The following PEF1 variants were observed in gnomAD, a reference collection of about 807,000 sequenced individuals.
PEF1 encodes penta-EF-hand domain containing 1.
PEF1 carries 17 observed loss-of-function variants against 32.0 expected under a neutral mutation model. The observed-to-expected ratio is 0.53, with a 90% CI of 0.36 to 0.80. The LOEUF (loss-of-function observed/expected upper bound fraction) is 0.80, where lower values mean the gene tolerates loss of function less well. Ranked by LOEUF, PEF1 falls within the 30% of genes least tolerant of loss-of-function variation. PEF1 has a pLI of 0.00. For missense variants in PEF1, 362 were observed against 369.1 expected (o/e 0.98, Z 0.16); for synonymous variants, 130 against 139.8 (o/e 0.93, Z 0.50).
intron 2 of PEF1, among the ~76,000 whole-genome samples, chr1:31,633,979 C>G (rs1640188749): frequency 6.6e-6 from 1 of 151,158 alleles, no homozygotes; most frequent in Non-Finnish European, 1.5e-5. Context: ...CAAAAAAACC[C>G]AAAAAAAACA....
intron 1 of PEF1, chr1:31,644,472 G>T: frequency 8.3e-7 from 1 of 1,201,882 alleles, no homozygotes. Context: ...CGCCCCAAAT[G>T]AGATCGGCGG....
At position 31,635,538 on chromosome 1, in the gene PEF1, G is replaced by A. The variant is rs1199480139; in HGVS notation, c.25-16C>T. The A allele has an allele frequency of 6.6e-7, 1 of 1,506,628 alleles. No homozygotes were observed. The highest frequency in any genetic ancestry group is 2.3e-5 in the East Asian group (1 of 43,552). The allele number at this position is 1,506,628 out of a possible 1,614,324, so 93.3% of individuals were successfully genotyped here. On this transcript the variant is annotated splice_polypyrimidine_tract_variant and intron_variant, in intron 1 of 4. Coordinates refer to ENST00000373703, the MANE Select transcript of PEF1 (RefSeq NM_012392.4). ...CTGGGCAGCCCTGCAGGAAGAGCAAGATATCAGTCAGAATGATGAGGCCAG... is the reference window on the plus strand; with the variant it reads ...CTGGGCAGCCCTGCAGGAAGAGCAAAATATCAGTCAGAATGATGAGGCCAG...
At chr1:31,632,744 G>T in intron 3 of PEF1, 106 bp from the exon 4 acceptor site, 1 of 1,352,416 alleles carries the variant, frequency 7.4e-7, no homozygotes, top group Admixed American at 2.3e-5. Context: ...TGGAGTAGGC[G>T]ACTTCACAGA....
chr1:31,643,868 AT>A (rs1640472885), intron 1 of PEF1, among the ~76,000 whole-genome samples: 1 of 152,144 alleles, frequency 6.6e-6, no homozygotes, highest in African/African-American at 2.4e-5. Context: ...TGAGGGCTCT[AT>A]TTTGAGGACC....
rs1640233425 is a variant in PEF1, at chr1:31,635,535, C to A, written c.25-13G>T. ...CTCCTGGGCAGCCCTGCAGGAAGAG[C>A]AAGATATCAGTCAGAATGATGAGGC... On this transcript the variant is annotated splice_polypyrimidine_tract_variant and intron_variant, in intron 1 of 4. Coordinates refer to ENST00000373703, the MANE Select transcript of PEF1 (RefSeq NM_012392.4). The A allele has an allele frequency of 6.6e-7, 1 of 1,507,262 alleles. No homozygotes were observed. 93.4% of individuals were successfully genotyped at this position (1,507,262 alleles called of 1,614,324 possible). A position where few individuals can be genotyped will look rare whatever the true frequency, so the allele number is the denominator to read the frequency against.
At chr1:31,637,358 C>G (rs1339156274) in intron 1 of PEF1, among the ~76,000 whole-genome samples, 1 of 152,186 alleles carries the variant, frequency 6.6e-6, no homozygotes, top group Non-Finnish European at 1.5e-5. Context: ...AGAACAATTC[C>G]TTCCTCACTG....
At chr1:31,642,049 T>C (rs867949406) in intron 1 of PEF1, among the ~76,000 whole-genome samples, 1 of 152,060 alleles carries the variant, frequency 6.6e-6, no homozygotes. Flanking sequence ...CTGGCCAACA[T>C]GGCGAAACCC....
intron 3 of PEF1, 152 bp downstream of exon 3, chr1:31,633,007 G>C: frequency 1.1e-6 from 1 of 904,168 alleles, no homozygotes; most frequent in South Asian, 1.8e-5. Flanking sequence ...TCTCAGTCTA[G>C]GGGATCTCAC....
chr1:31,633,094 C>A, intron 3 of PEF1, 65 bp downstream of exon 3: 1 of 1,536,440 alleles, frequency 6.5e-7, no homozygotes, highest in Non-Finnish European at 8.8e-7. Flanking sequence ...CCCACCTACC[C>A]ACCTACTGTC....
intron 2 of PEF1, among the ~76,000 whole-genome samples, chr1:31,634,514 TCA>T (rs1239278436): frequency 1.3e-5 from 2 of 152,178 alleles, no homozygotes; most frequent in Non-Finnish European, 2.9e-5. Flanking sequence ...TGAGATATTT[TCA>T]CAGAGAAACG....
rs902625147 is a variant in PEF1, at chr1:31,644,622, G to A, written c.24+219C>T. The A allele has an allele frequency of 7.8e-5, 113 of 1,445,094 alleles. No homozygotes were observed. In the South Asian group the frequency reaches 1.1e-3, roughly 14 times the overall value. The allele number at this position is 1,445,094 out of a possible 1,614,324, so 89.5% of individuals were successfully genotyped here. ...GTCCCCAAATCCTCGAGTGAGCGAC[G>A]TCAAGGGGGCGCGACACGACCTCGC... On this transcript the variant is annotated intron_variant, in intron 1 of 4. Transcript: ENST00000373703.
chr1:31,632,653 G>C lies in PEF1; in HGVS notation c.482-15C>G, dbSNP rs1640142435. 6.2e-7 allele frequency: 1 copy of C among 1,611,892 alleles called. No homozygotes were observed. On this transcript the variant is annotated splice_polypyrimidine_tract_variant and intron_variant, in intron 3 of 4. Transcript: ENST00000373703. ...GTCAAACATGTCTGAAGGTGAGGAG[G>C]GAAAGGAGGGGAGGAAGGCTTCAAG... is the stretch of plus-strand genomic sequence containing the variant.
In PEF1 at chr1:31,633,173, C is replaced by A; in HGVS notation, c.467G>T (p.Cys156Phe). Residue 156 changes from cysteine (C) to phenylalanine (F), a missense_variant, in exon 3 of 5, where the codon TGC becomes TTC. By Grantham distance (205) the Cys-to-Phe change is radical. Transcript: ENST00000373703. ...CNWSSFNDET[C>F]LMMINMFDKT... ...CGGAGACTCACTTATCATCATGAGGCAGGTCTCATCATTGAATGAAGACCA... is the reference window on the plus strand; with the variant it reads ...CGGAGACTCACTTATCATCATGAGGAAGGTCTCATCATTGAATGAAGACCA... The A allele has an allele frequency of 6.2e-7, 1 of 1,613,592 alleles. No homozygotes were observed. The highest frequency in any genetic ancestry group is 2.2e-5 in the East Asian group (1 of 44,868).
intron 1 of PEF1, chr1:31,644,598 T>C (rs892953027): frequency 2.1e-6 from 3 of 1,434,692 alleles, no homozygotes; most frequent in Non-Finnish European, 2.7e-6. Flanking sequence ...GGGTCCAAGG[T>C]CCCCAAATCC....
intron 2 of PEF1, among the ~76,000 whole-genome samples, chr1:31,633,673 T>C (rs965122006): frequency 1.3e-5 from 2 of 152,082 alleles, no homozygotes; most frequent in Non-Finnish European, 2.9e-5. Context: ...AGTGTAGAAG[T>C]GGCCAGGCAC....
chr1:31,631,224 G>A (rs1301427997), intron 4 of PEF1, among the ~76,000 whole-genome samples: 1 of 152,216 alleles, frequency 6.6e-6, no homozygotes, highest in African/African-American at 2.4e-5. Context: ...TACAGCAGAG[G>A]TATGAGGACC....
chr1:31,634,337 G>A (rs1468992062), intron 2 of PEF1, among the ~76,000 whole-genome samples: 1 of 152,154 alleles, frequency 6.6e-6, no homozygotes, highest in Non-Finnish European at 1.5e-5. Context: ...TTCAAACCCT[G>A]GATCTGATCC....
chr1:31,633,582 C>T (rs190244836), intron 2 of PEF1, among the ~76,000 whole-genome samples: 79 of 152,198 alleles, frequency 5.2e-4, no homozygotes, highest in Non-Finnish European at 6.3e-4. Flanking sequence ...TTTTAAGGAA[C>T]GGGGACCTGT....
At chr1:31,638,539 C>A (rs1640316397) in intron 1 of PEF1, among the ~76,000 whole-genome samples, 1 of 152,204 alleles carries the variant, frequency 6.6e-6, no homozygotes, top group Non-Finnish European at 1.5e-5. Flanking sequence ...GCACCTGGCA[C>A]CTAGGAAAAC....
Sources: gnomAD v4.1 joint callset for allele counts (sites outside exome capture counted in the v4.1 genomes callset) on GRCh38, gnomAD v4.1.1 for gene constraint, MANE v1.5 for transcripts, NCBI Gene and HGNC (gene_info 2026-07-23, HGNC 2026-07-21) for gene names.